The following YWHAZ variants were observed in gnomAD, a reference collection of about 807,000 sequenced individuals.
YWHAZ encodes the protein tyrosine 3-monooxygenase/tryptophan 5-monooxygenase activation protein zeta.
For synonymous variants in YWHAZ, 87 were observed against 103.6 expected (o/e 0.84, Z 0.97); for missense variants, 79 against 284.8 (o/e 0.28, Z 5.20).
At chr8:100,933,739 G>A (rs920226667) in intron 2 of YWHAZ, among the ~76,000 whole-genome samples, 4 of 152,156 alleles carry the variant, frequency 2.6e-5, no homozygotes, top group African/African-American at 9.7e-5. Context: ...AGGTGTGGTG[G>A]CTTATACCTT....
intron 2 of YWHAZ, among the ~76,000 whole-genome samples, chr8:100,937,298 A>G (rs764148769): frequency 3.3e-5 from 5 of 149,706 alleles, no homozygotes; most frequent in Non-Finnish European, 7.4e-5. Flanking sequence ...TTTTTTTTTC[A>G]AATTTCCTTA....
At position 100,946,552 on chromosome 8, in the gene YWHAZ, AAAAC is replaced by A. The variant is rs528889801; in HGVS notation, c.294+2040_294+2043del. Among the ~76,000 whole-genome samples the A allele has an allele frequency of 2.8e-3, 422 of 152,248 alleles. 5 individuals are homozygous for A. The highest frequency in any genetic ancestry group is 9.6e-3 in the African/African-American group (399 of 41,546). On this transcript the variant is annotated intron_variant, in intron 2 of 5. Transcript: ENST00000395958. ...GGTGACAAGAGCAAAACTCAGTCTC[AAAAC>A]AAACAAACAAACAAACATACACAAA...
rs1417316114 is a variant in YWHAZ at position 100,918,443 on chromosome 8, T to TATATATATATATATATATATATATAA, written c.*2249_*2250insTTATATATATATATATATATATATAT. On this transcript the variant is annotated 3_prime_UTR_variant, in exon 6 of 6. Coordinates refer to ENST00000395958, the MANE Select transcript of YWHAZ (RefSeq NM_145690.3). ...ATATATATATATATATATATATATA[T>TATATATATATATATATATATATATAA]AATTATTTTACCTCCTTGGCTTGGG... 8.5e-6 allele frequency: 1 copy of TATATATATATATATATATATATATAA among 117,062 alleles called. No individual in the cohort carries two copies. The highest frequency in any genetic ancestry group is 3.4e-5 in the African/African-American group (1 of 29,668). 7.3% of individuals were successfully genotyped at this position (117,062 alleles called of 1,614,324 possible). A position where few individuals can be genotyped will look rare whatever the true frequency, so the allele number is the denominator to read the frequency against.
At chr8:100,950,559 G>C (rs938820386) in intron 1 of YWHAZ, 16 of 985,370 alleles carry the variant, frequency 1.6e-5, no homozygotes, top group Middle Eastern at 5.2e-4. Flanking sequence ...CTTTGTCATG[G>C]CGGATCTGTG....
rs1309991981 is a variant in YWHAZ, at chr8:100,922,250, T to C, written c.679-1498A>G. On this transcript the variant is annotated intron_variant, in intron 5 of 5. Transcript: ENST00000395958. This position sits in a 1 kb window ranked among gnomAD's most constrained non-coding sequence, Gnocchi z 4.1. ...GGTCAACCAAATTCAGAATGAAATA[T>C]TAAGTTTTGGGATAATTTCTTTTCT... 1.3e-5 allele frequency among the ~76,000 whole-genome samples: 2 copies of C among 152,262 alleles called. No individual in the cohort carries two copies. Among genetic ancestry groups the C allele is most frequent in the African/African-American group, 2.4e-5 (1 of 41,474 alleles).
chr8:100,950,953 C>A (rs1810705290), intron 1 of YWHAZ: 2 of 180,872 alleles, frequency 1.1e-5, no homozygotes, highest in South Asian at 1.8e-4. Flanking sequence ...AGCGCAGGGA[C>A]CCTCCAGTTC....
intron 2 of YWHAZ, among the ~76,000 whole-genome samples, chr8:100,943,796 C>A (rs975372408): frequency 6.6e-6 from 1 of 152,106 alleles, no homozygotes; most frequent in Non-Finnish European, 1.5e-5. Context: ...ACCATCTTGG[C>A]TAACACGGTG....
At position 100,951,080 on chromosome 8, in the gene YWHAZ, A is replaced by G. The variant is rs1554618424; in HGVS notation, c.-12+849T>C. On this transcript the variant is annotated intron_variant, in intron 1 of 5. Transcript: ENST00000395958. The stretch of plus-strand genomic sequence containing the variant: ...CCGTTCACAAGGAGCAAAAAAAGTC[A>G]GACCCATCCCCCACCCCCACCAGGA... 1.4e-5 allele frequency: 10 copies of G among 728,086 alleles called. No homozygotes were observed. In the South Asian group the frequency reaches 3.1e-4, roughly 23 times the overall value. The allele number at this position is 728,086 out of a possible 1,614,324, so 45.1% of individuals were successfully genotyped here.
chr8:100,948,012 A>G lies in YWHAZ; in HGVS notation c.294+584T>C. On this transcript the variant is annotated intron_variant, in intron 2 of 5. Transcript: ENST00000395958. This position sits in a 1 kb window ranked among gnomAD's most constrained non-coding sequence, Gnocchi z 4.2. ...CTGAATACTTAAAATACTCGATTCAAACTGGAAAATCAAGCTTGAGTTGTT... is the reference window on the plus strand; with the variant it reads ...CTGAATACTTAAAATACTCGATTCAGACTGGAAAATCAAGCTTGAGTTGTT... 1 of 1,256,490 alleles carries G rather than the reference A, an allele frequency of 8.0e-7. No individual in the cohort carries two copies. Among genetic ancestry groups the G allele is most frequent in the Non-Finnish European group, 1.1e-6 (1 of 909,240 alleles). 77.8% of individuals were successfully genotyped at this position (1,256,490 alleles called of 1,614,324 possible).
chr8:100,918,425 TATATATA>T lies in YWHAZ; in HGVS notation c.*2261_*2267del, dbSNP rs1812806704. On this transcript the variant is annotated 3_prime_UTR_variant, in exon 6 of 6. Transcript: ENST00000395958. The stretch of plus-strand genomic sequence containing the variant: ...TAATTACTTTATATATATATATATA[TATATATA>T]TATATATATATAATTATTTTACCTC... 2.2e-5 allele frequency: 2 copies of T among 89,700 alleles called. 1 individual carries two copies. 5.6% of individuals were successfully genotyped at this position (89,700 alleles called of 1,614,324 possible).
upstream of YWHAZ, chr8:100,952,026 A>G: frequency 2.0e-6 from 2 of 994,480 alleles, no homozygotes; most frequent in East Asian, 2.2e-4. Flanking sequence ...CTGTCCCTGG[A>G]TCTCGCTGCT....
chr8:100,942,506 T>C (rs1809946499), intron 2 of YWHAZ, among the ~76,000 whole-genome samples: 1 of 152,200 alleles, frequency 6.6e-6, no homozygotes, highest in African/African-American at 2.4e-5. Flanking sequence ...AAATTTACAT[T>C]TGTGCCATCT....
rs143627214 is a variant in YWHAZ at position 100,948,424 on chromosome 8, G to A, written c.294+172C>T. 1.2e-3 allele frequency among the ~76,000 whole-genome samples: 175 copies of A among 152,124 alleles called. 1 individual carries two copies. Among genetic ancestry groups the A allele is most frequent in the African/African-American group, 3.6e-3 (150 of 41,498 alleles). The stretch of plus-strand genomic sequence containing the variant: ...ATTGTTGCAATTATTTTACATACAC[G>A]TATCTATAATTGTCTTAACATCTTT... On this transcript the variant is annotated intron_variant, in intron 2 of 5. Coordinates refer to ENST00000395958, the MANE Select transcript of YWHAZ (RefSeq NM_145690.3). The surrounding 1 kb of genome is among the most constrained non-coding windows in gnomAD (Gnocchi z 4.2).
At position 100,927,053 on chromosome 8, in the gene YWHAZ, G is replaced by C. The variant is rs192236728; in HGVS notation, c.295-2014C>G. On this transcript the variant is annotated intron_variant, in intron 2 of 5. Coordinates refer to ENST00000395958, the MANE Select transcript of YWHAZ (RefSeq NM_145690.3). ...TCAGTTATCTCACCTGTAAGGCAGA[G>C]ACCTCTAAGATTATTGAGAAAAAAT... Among the ~76,000 whole-genome samples, 10 of 152,322 alleles carry C rather than the reference G, an allele frequency of 6.6e-5. No homozygotes were observed. In the East Asian group the frequency reaches 1.9e-3, roughly 29 times the overall value.
chr8:100,918,742 T>A lies in YWHAZ; in HGVS notation c.*1951A>T, dbSNP rs1228013134. The A allele has an allele frequency of 6.6e-6, 1 of 152,488 alleles. No individual in the cohort carries two copies. Among genetic ancestry groups the A allele is most frequent in the Non-Finnish European group, 1.5e-5 (1 of 68,006 alleles). 9.4% of individuals were successfully genotyped at this position (152,488 alleles called of 1,614,324 possible). Reference sequence around the variant, plus strand: ...ACTCACTGCCTCCCATCATCAATATTTATTGAGCATTTACAGTGTACTAGG... The same window carrying A: ...ACTCACTGCCTCCCATCATCAATATATATTGAGCATTTACAGTGTACTAGG... On this transcript the variant is annotated 3_prime_UTR_variant, in exon 6 of 6. Transcript: ENST00000395958.
At position 100,929,158 on chromosome 8, in the gene YWHAZ, G is replaced by T. The variant is rs1160539502; in HGVS notation, c.295-4119C>A. Among the ~76,000 whole-genome samples, 3 of 151,674 alleles carry T rather than the reference G, an allele frequency of 2.0e-5. No homozygotes were observed. In the East Asian group the frequency reaches 5.8e-4, roughly 29 times the overall value. On this transcript the variant is annotated intron_variant, in intron 2 of 5. Coordinates refer to ENST00000395958, the MANE Select transcript of YWHAZ (RefSeq NM_145690.3). ...TTGATACATGCATACAATATATAATGATCAAATCAGAGTAACTGGGATATC... is the reference window on the plus strand; with the variant it reads ...TTGATACATGCATACAATATATAATTATCAAATCAGAGTAACTGGGATATC...
rs1013718767 is a variant in YWHAZ, at chr8:100,920,209, T to C, written c.*484A>G. 2 of 158,466 alleles carry C rather than the reference T, an allele frequency of 1.3e-5. No homozygotes were observed. The highest frequency in any genetic ancestry group is 1.8e-4 in the South Asian group (1 of 5,468). The allele number at this position is 158,466 out of a possible 1,614,324, so 9.8% of individuals were successfully genotyped here. ...GTACACATTGAGTATTCCACAGATA[T>C]ACATGGTTTAATATGTGGTATCCAT... On this transcript the variant is annotated 3_prime_UTR_variant, in exon 6 of 6. Coordinates refer to ENST00000395958, the MANE Select transcript of YWHAZ (RefSeq NM_145690.3).
chr8:100,940,281 G>T (rs911899405), intron 2 of YWHAZ, among the ~76,000 whole-genome samples: 7 of 152,118 alleles, frequency 4.6e-5, no homozygotes, highest in African/African-American at 1.2e-4. Context: ...GTTGTTGGTG[G>T]TGGTGGTAGT....
intron 2 of YWHAZ, among the ~76,000 whole-genome samples, chr8:100,940,207 C>T (rs1814539608): frequency 6.6e-6 from 1 of 152,148 alleles, no homozygotes. Flanking sequence ...AGGATCTAGG[C>T]CTGCGCTGAA....
Sources: gnomAD v4.1 joint callset for allele counts (sites outside exome capture counted in the v4.1 genomes callset) on GRCh38, gnomAD v4.1.1 for gene constraint, Gnocchi (gnomAD v3.1) non-coding constraint, MANE v1.5 for transcripts, NCBI Gene and HGNC (gene_info 2026-07-23, HGNC 2026-07-21) for gene names.